Variants in LDLRAD4 observed in about 807,000 individuals in gnomAD.
The protein encoded by LDLRAD4 is low-density lipoprotein receptor class A domain-containing protein 4.
A neutral mutation model predicts 17.0 loss-of-function variants in LDLRAD4; 5 were observed. The ratio of observed to expected loss-of-function variants is 0.29; its 90% CI spans 0.15 to 0.62. The LOEUF (loss-of-function observed/expected upper bound fraction) is 0.62. LDLRAD4 is among the 20% of genes least tolerant of loss of function. LDLRAD4 has a pLI of 0.84. For missense variants in LDLRAD4, 340 were observed against 424.7 expected, an observed-to-expected ratio of 0.80 and a Z score of 1.75; for synonymous variants, 168 against 171.8, an observed-to-expected ratio of 0.98 and a Z score of 0.17.
At chr18:13,363,248 C>A (rs536484938) in intron 1 of LDLRAD4, among the ~76,000 whole-genome samples, 2 of 146,432 alleles carry the variant, frequency 1.4e-5, no homozygotes, top group African/African-American at 5.1e-5. Context: ...AGGAGAATGG[C>A]GTGAACCTGG....
intron 1 of LDLRAD4, among the ~76,000 whole-genome samples, chr18:13,330,062 TCTC>T (rs2081765929): frequency 6.6e-6 from 1 of 152,014 alleles, no homozygotes; most frequent in South Asian, 2.1e-4. Context: ...TTCACGCCAT[TCTC>T]CTGCCTCAGC....
upstream of LDLRAD4, among the ~76,000 whole-genome samples, chr18:13,275,147 T>G (rs748613232): frequency 6.6e-6 from 1 of 152,236 alleles, no homozygotes; most frequent in Non-Finnish European, 1.5e-5. Context: ...ACAGGTTTTG[T>G]CACTTTAGTT....
At chr18:13,567,281 C>T (rs1031835035) in intron 3 of LDLRAD4, among the ~76,000 whole-genome samples, 4 of 152,242 alleles carry the variant, frequency 2.6e-5, no homozygotes, top group Non-Finnish European at 4.4e-5. Flanking sequence ...AAGTACCTTG[C>T]GTCTTCCTAA....
chr18:13,245,563 C>T (rs2042916109), intron 1 of LDLRAD4, among the ~76,000 whole-genome samples: 1 of 152,228 alleles, frequency 6.6e-6, no homozygotes, highest in African/African-American at 2.4e-5. Context: ...TCAGGGCTGG[C>T]TCTCAGGGCC....
At chr18:13,271,422 TG>T (rs1467840796) in intron 1 of LDLRAD4, among the ~76,000 whole-genome samples, 2 of 152,274 alleles carry the variant, frequency 1.3e-5, no homozygotes, top group East Asian at 3.9e-4. Context: ...CAATTCCCAC[TG>T]GGGGGCTTCC....
intron 3 of LDLRAD4, among the ~76,000 whole-genome samples, chr18:13,594,258 C>T (rs140466556): frequency 3.9e-5 from 6 of 152,228 alleles, no homozygotes; most frequent in Middle Eastern, 3.4e-3. Context: ...CTTTTCCCTC[C>T]GTTGGTCTGT....
In LDLRAD4 at chr18:13,367,993, G is replaced by A. The variant is rs985329924; in HGVS notation, c.-382-19348G>A. ...GCCATGACGGCACCACTGCAGTCCT[G>A]CCCAGGTGACAGAGTGAGACCTGAG... On this transcript the variant is annotated intron_variant, in intron 1 of 5. Transcript: ENST00000359446. This position sits in a 1 kb window ranked among gnomAD's most constrained non-coding sequence, Gnocchi z 4.1. Among the ~76,000 whole-genome samples the A allele has an allele frequency of 6.6e-6, 1 of 152,096 alleles. No homozygotes were observed. The highest frequency in any genetic ancestry group is 2.4e-5 in the African/African-American group (1 of 41,418).
At chr18:13,434,941 G>A (rs990869015) in intron 2 of LDLRAD4, among the ~76,000 whole-genome samples, 37 of 152,352 alleles carry the variant, frequency 2.4e-4, no homozygotes, top group African/African-American at 8.2e-4. Context: ...GAAAACCCAC[G>A]CTGTCTGACT....
At chr18:13,638,569 G>A (rs1213405853) in intron 4 of LDLRAD4, among the ~76,000 whole-genome samples, 2 of 152,232 alleles carry the variant, frequency 1.3e-5, no homozygotes, top group South Asian at 2.1e-4. Context: ...CAGAGCAGGT[G>A]CCCTCTCGTA....
chr18:13,640,062 G>A lies in LDLRAD4; in HGVS notation c.337-3297G>A, dbSNP rs537369796. ...AGCACTTTGGGAGGCCGAGGCGGGT[G>A]AATCACAAGGTCAGGAGATCGAGAG... On this transcript the variant is annotated intron_variant, in intron 4 of 5. Transcript: ENST00000359446. Among the ~76,000 whole-genome samples, 26 of 152,268 alleles carry A rather than the reference G, an allele frequency of 1.7e-4. No homozygotes were observed. The South Asian group carries it at 4.6e-3, about 27-fold the overall frequency.
chr18:13,374,605 A>T (rs1407131680), intron 1 of LDLRAD4, among the ~76,000 whole-genome samples: 3 of 152,242 alleles, frequency 2.0e-5, no homozygotes, highest in African/African-American at 7.2e-5. Context: ...ACAGCCGTGC[A>T]TCAGAATCAC....
At chr18:13,619,372 T>C (rs1263967924) in intron 3 of LDLRAD4, among the ~76,000 whole-genome samples, 1 of 152,068 alleles carries the variant, frequency 6.6e-6, no homozygotes, top group East Asian at 1.9e-4. Flanking sequence ...GCCACTTTTC[T>C]ATTGGAACCC....
intron 3 of LDLRAD4, among the ~76,000 whole-genome samples, chr18:13,446,620 T>C (rs1324408663): frequency 6.6e-6 from 1 of 152,224 alleles, no homozygotes; most frequent in East Asian, 1.9e-4. Flanking sequence ...AGTACTCGTA[T>C]GACCCAGAAG....
At chr18:13,423,302 G>A (rs1354218123) in intron 2 of LDLRAD4, among the ~76,000 whole-genome samples, 1 of 151,966 alleles carries the variant, frequency 6.6e-6, no homozygotes, top group Non-Finnish European at 1.5e-5. Context: ...AGACCAGCCT[G>A]GCCAACATGG....
chr18:13,638,588 G>A (rs2042269008), intron 4 of LDLRAD4, among the ~76,000 whole-genome samples: 2 of 152,206 alleles, frequency 1.3e-5, no homozygotes, highest in Non-Finnish European at 2.9e-5. Context: ...TAAGCATCCT[G>A]GGGCAGGTAT....
chr18:13,542,938 T>G (rs895609103), intron 3 of LDLRAD4: 3 of 152,140 alleles, frequency 2.0e-5, no homozygotes, highest in African/African-American at 7.2e-5. Flanking sequence ...TTCCAGCTGT[T>G]GCCTAGTTTC....
intron 4 of LDLRAD4, among the ~76,000 whole-genome samples, chr18:13,630,038 T>C (rs2041525482): frequency 6.6e-6 from 1 of 152,192 alleles, no homozygotes; most frequent in Non-Finnish European, 1.5e-5. Flanking sequence ...TGGAACTTTC[T>C]CATTCCCAGG....
chr18:13,371,295 A>G (rs1390373780), intron 1 of LDLRAD4, among the ~76,000 whole-genome samples: 1 of 152,176 alleles, frequency 6.6e-6, no homozygotes, highest in Non-Finnish European at 1.5e-5. Context: ...GACTGCTGCC[A>G]TCACCTCTAA....
intron 3 of LDLRAD4, among the ~76,000 whole-genome samples, chr18:13,502,470 A>T (rs17610923): frequency 0.18 from 27,039 of 152,252 alleles, 2,886 homozygotes; most frequent in Middle Eastern, 0.37. Flanking sequence ...AAGTTCGTAC[A>T]AGGCACTAAG....
Sources: gnomAD v4.1 joint callset for allele counts (sites outside exome capture counted in the v4.1 genomes callset) on GRCh38, gnomAD v4.1.1 for gene constraint, Gnocchi (gnomAD v3.1) non-coding constraint, MANE v1.5 for transcripts, NCBI Gene and HGNC (gene_info 2026-07-23, HGNC 2026-07-21) for gene names.